TTF2: variants seen among roughly 807,000 people sequenced by gnomAD.
TTF2 encodes the protein RNA polymerase II termination factor.
In TTF2, 108 loss-of-function variants were observed where a neutral mutation model predicts 142.4. The observed-to-expected ratio is 0.76, with a 90% CI of 0.65 to 0.89. The LOEUF (loss-of-function observed/expected upper bound fraction) is 0.89, where lower values mean the gene tolerates loss of function less well. Ranked by LOEUF, TTF2 falls within the 40% of genes least tolerant of loss-of-function variation. The probability of loss-of-function intolerance (pLI) is 0.00; values close to 1 mark genes in which losing one functional copy is unlikely to be tolerated. For missense variants in TTF2, 1,327 were observed against 1,379.8 expected, an observed-to-expected ratio of 0.96 and a Z score of 0.61; for synonymous variants, 483 against 506.2, an observed-to-expected ratio of 0.95 and a Z score of 0.61.
chr1:117,073,720 C>T lies in TTF2; in HGVS notation c.278C>T (p.Pro93Leu). ...AEGKRWCGSI[P>L]WQDPDSKEHS... ...GGGAAACGCTGGTGTGGAAGTATTC[C>T]ATGGCAGGTAGGAATTATTCATCTG... Residue 93 changes from proline (P) to leucine (L), a missense_variant, in exon 4 of 23, where the codon CCA becomes CTA. Physicochemically the swap from Pro to Leu is moderately conservative, Grantham distance 98. Transcript: ENST00000369466. The surrounding 1 kb of genome is among the most constrained non-coding windows in gnomAD (Gnocchi z 4.4). 6.2e-7 allele frequency: 1 copy of T among 1,611,658 alleles called. No individual in the cohort carries two copies. Among genetic ancestry groups the T allele is most frequent in the South Asian group, 1.1e-5 (1 of 90,700 alleles).
intron 10 of TTF2, 162 bp downstream of exon 10, chr1:117,082,109 G>T (rs1479039453): frequency 9.3e-7 from 1 of 1,075,144 alleles, no homozygotes; most frequent in Non-Finnish European, 1.4e-6. Context: ...CTGATGCTGA[G>T]TATGCTAATT....
rs372566727 is a variant in TTF2, at chr1:117,076,137, C to T, written c.1276-43C>T. The stretch of plus-strand genomic sequence containing the variant: ...TTTTAATCTGAAACTATTCATCTAA[C>T]AGTGTGAGAGGAGAGATCCATTTGA... On this transcript the variant is annotated intron_variant, in intron 5 of 22. Transcript: ENST00000369466. This position sits in a 1 kb window ranked among gnomAD's most constrained non-coding sequence, Gnocchi z 4.6. The T allele has an allele frequency of 5.3e-5, 82 of 1,552,324 alleles. No homozygotes were observed. The highest frequency in any genetic ancestry group is 6.8e-5 in the Non-Finnish European group (77 of 1,128,382).
chr1:117,091,729 T>A, intron 16 of TTF2, 88 bp from the exon 17 acceptor site: 2 of 1,483,378 alleles, frequency 1.3e-6, no homozygotes. Flanking sequence ...TCAAACATGG[T>A]TAAAGTAGCC....
Position 117,093,049 on chromosome 1 carries a change from A to G in TTF2, c.2976+148A>G, listed in dbSNP as rs1648751030. On this transcript the variant is annotated intron_variant, in intron 18 of 22. Transcript: ENST00000369466. The surrounding 1 kb of genome is among the most constrained non-coding windows in gnomAD (Gnocchi z 4.5). ...TTCTAGCTGATCAGATTCTCCCTCCAGTCTTAAAGCTTCATTTATTTCACA... is the reference window on the plus strand; with the variant it reads ...TTCTAGCTGATCAGATTCTCCCTCCGGTCTTAAAGCTTCATTTATTTCACA... 1.1e-5 allele frequency: 10 copies of G among 884,794 alleles called. No individual in the cohort carries two copies. The highest frequency in any genetic ancestry group is 1.7e-5 in the Non-Finnish European group (10 of 585,324). The allele number at this position is 884,794 out of a possible 1,614,324, so 54.8% of individuals were successfully genotyped here.
chr1:117,078,885 T>C (rs1329324100), intron 8 of TTF2, among the ~76,000 whole-genome samples: 1 of 152,032 alleles, frequency 6.6e-6, no homozygotes, highest in Non-Finnish European at 1.5e-5. Context: ...ATTTAAGAGA[T>C]AATGAGGAAA....
At chr1:117,098,158 G>A (rs1006758441) in intron 21 of TTF2, 7 of 150,830 alleles carry the variant, frequency 4.6e-5, no homozygotes, top group East Asian at 1.9e-4. Context: ...CTCTGTACAC[G>A]TGAGTGAGGA....
At chr1:117,067,491 C>T (rs1405128588) in intron 3 of TTF2, among the ~76,000 whole-genome samples, 1 of 143,076 alleles carries the variant, frequency 7.0e-6, no homozygotes, top group African/African-American at 2.6e-5. Context: ...CATCATTACA[C>T]TCCAACCTGG....
chr1:117,071,463 G>A (rs1370071755), intron 3 of TTF2, among the ~76,000 whole-genome samples: 1 of 152,096 alleles, frequency 6.6e-6, no homozygotes, highest in East Asian at 1.9e-4. Context: ...AAGAAAGAAT[G>A]TATATTGACT....
chr1:117,072,917 A>G (rs1435938991), intron 3 of TTF2, among the ~76,000 whole-genome samples: 1 of 151,662 alleles, frequency 6.6e-6, no homozygotes, highest in Admixed American at 6.6e-5. Context: ...ATCCAGCTGC[A>G]CTCTTTTAAC....
Position 117,075,255 on chromosome 1 carries a change from G to C in TTF2, c.671G>C (p.Cys224Ser), listed in dbSNP as rs368585554. The change falls in exon 5 of 23, where the codon TGC (cysteine) becomes TCC (serine). Residue 224 changes from cysteine to serine, a missense_variant. Cys to Ser is a moderately radical substitution (Grantham distance 112). Transcript: ENST00000369466. This position sits in a 1 kb window ranked among gnomAD's most constrained non-coding sequence, Gnocchi z 4.5. Reference sequence around the variant, plus strand: ...TTTTCTGAAATTAAATCTCAACAGTGCCAAGGTAATGAGCTTACAAGACCA... The same window carrying C: ...TTTTCTGAAATTAAATCTCAACAGTCCCAAGGTAATGAGCTTACAAGACCA... ...RDFSEIKSQQ[C>S]QGNELTRPSA... 1.2e-6 allele frequency: 2 copies of C among 1,614,106 alleles called. No individual in the cohort carries two copies. Among genetic ancestry groups the C allele is most frequent in the African/African-American group, 2.7e-5 (2 of 74,926 alleles).
rs1648071690 is a variant in TTF2, at chr1:117,086,955, AAAG to A, written c.2160+434_2160+436del. On this transcript the variant is annotated intron_variant, in intron 12 of 22. Transcript: ENST00000369466. The surrounding 1 kb of genome is among the most constrained non-coding windows in gnomAD (Gnocchi z 4.2). ...CTCCCTTTACTTCCCAGAAAAAAAA[AAAG>A]GGTTGCAAATAATAAGGCCAGAGGC... 1.3e-5 allele frequency among the ~76,000 whole-genome samples: 2 copies of A among 152,156 alleles called. No individual in the cohort carries two copies. The highest frequency in any genetic ancestry group is 4.1e-4 in the South Asian group (2 of 4,828).
At position 117,075,974 on chromosome 1, in the gene TTF2, G is replaced by C. The variant is rs776646557; in HGVS notation, c.1275+115G>C. 1.4e-6 allele frequency: 2 copies of C among 1,428,782 alleles called. No individual in the cohort carries two copies. The highest frequency in any genetic ancestry group is 2.9e-5 in the African/African-American group (2 of 70,054). 88.5% of individuals were successfully genotyped at this position (1,428,782 alleles called of 1,614,324 possible). A position where few individuals can be genotyped will look rare whatever the true frequency, so the allele number is the denominator to read the frequency against. On this transcript the variant is annotated intron_variant, in intron 5 of 22. Coordinates refer to ENST00000369466, the MANE Select transcript of TTF2 (RefSeq NM_003594.4). This position sits in a 1 kb window ranked among gnomAD's most constrained non-coding sequence, Gnocchi z 4.5. ...ATGTTCATGTGAAGGTTTTATAGGT[G>C]CATGTTCAGTTTCTGCCTTTTCCCC...
At chr1:117,077,764 A>G in intron 7 of TTF2, 152 bp from the exon 8 acceptor site, 1 of 1,062,540 alleles carries the variant, frequency 9.4e-7, no homozygotes. Flanking sequence ...TTGTTTCCCA[A>G]CTGAGAACTG....
At chr1:117,089,580 T>C (rs1185883925) in intron 13 of TTF2, among the ~76,000 whole-genome samples, 1 of 152,022 alleles carries the variant, frequency 6.6e-6, no homozygotes, top group African/African-American at 2.4e-5. Context: ...TCCCAGCTGC[T>C]CGAGAGGCTG....
At chr1:117,074,529 T>C (rs993514947) in intron 4 of TTF2, among the ~76,000 whole-genome samples, 6 of 152,032 alleles carry the variant, frequency 3.9e-5, no homozygotes, top group African/African-American at 1.4e-4. Context: ...ATTGGACTGC[T>C]TTTACTGTGT....
intron 12 of TTF2, 27 bp from the exon 13 acceptor site, chr1:117,088,774 G>T (rs1248767172): frequency 6.2e-7 from 1 of 1,608,620 alleles, no homozygotes. Context: ...CCATATTGTG[G>T]CTGGATTTCA....
chr1:117,095,807 A>T (rs1055683861), intron 19 of TTF2, among the ~76,000 whole-genome samples: 3 of 152,226 alleles, frequency 2.0e-5, no homozygotes, highest in African/African-American at 7.2e-5. Context: ...GGCTGGCACA[A>T]GAAGGGTGGT....
At position 117,093,943 on chromosome 1, in the gene TTF2, C is replaced by A. The variant is rs1648847602; in HGVS notation, c.2976+1042C>A. Among the ~76,000 whole-genome samples, 1 of 152,248 alleles carries A rather than the reference C, an allele frequency of 6.6e-6. No homozygotes were observed. Among genetic ancestry groups the A allele is most frequent in the South Asian group, 2.1e-4 (1 of 4,836 alleles). On this transcript the variant is annotated intron_variant, in intron 18 of 22. Coordinates refer to ENST00000369466, the MANE Select transcript of TTF2 (RefSeq NM_003594.4). This position sits in a 1 kb window ranked among gnomAD's most constrained non-coding sequence, Gnocchi z 4.5. ...GTGGGCCATAAATCCAGCCCTCCTG[C>A]TGCAGTTTTCTCAAAACACCATGGC...
intron 3 of TTF2, among the ~76,000 whole-genome samples, chr1:117,066,695 C>CTTTT (rs530588185): frequency 8.7e-6 from 1 of 115,050 alleles, no homozygotes; most frequent in Non-Finnish European, 1.8e-5. Context: ...CTAATCATGT[C>CTTTT]TTTTTTTTTT....
Sources: allele counts gnomAD v4.1 joint callset (sites outside exome capture counted in the v4.1 genomes callset), GRCh38; gene constraint gnomAD v4.1.1; non-coding constraint Gnocchi (gnomAD v3.1); transcripts MANE v1.5; gene names NCBI Gene and HGNC (gene_info 2026-07-23, HGNC 2026-07-21).